Variants in SLC14A1 observed in about 807,000 individuals in gnomAD.
SLC14A1 encodes urea transporter 1.
SLC14A1 carries 36 observed loss-of-function variants against 39.6 expected under a neutral mutation model. That is an observed-to-expected ratio of 0.91 (90% CI 0.70 to 1.20). The LOEUF is 1.20. Among genes scored for constraint, SLC14A1 ranks in the 50% most tolerant of loss-of-function variants. SLC14A1 has a pLI of 0.00. For missense variants in SLC14A1, 469 were observed against 478.7 expected (o/e 0.98, Z 0.19); for synonymous variants, 164 against 173.6 (o/e 0.94, Z 0.43).
chr18:45,749,856 A>G lies in SLC14A1; in HGVS notation c.1075A>G (p.Ile359Val). 2 of 1,614,192 alleles carry G rather than the reference A, an allele frequency of 1.2e-6. No homozygotes were observed. The highest frequency in any genetic ancestry group is 1.7e-6 in the Non-Finnish European group (2 of 1,180,036). The change falls in exon 10 of 10, where the codon ATC becomes GTC. Residue 359 changes from isoleucine (I) to valine (V), a missense_variant. By Grantham distance (29) the Ile-to-Val change is conservative. Transcript: ENST00000321925. ...FLIMTTKNSNIYKMPLSKVTY... is the reference protein window; with the variant it reads ...FLIMTTKNSNVYKMPLSKVTY... Reference sequence around the variant, plus strand: ...CATCATGACCACAAAAAATTCCAACATCTACAAGATGCCCCTCAGTAAAGT... The same window carrying G: ...CATCATGACCACAAAAAATTCCAACGTCTACAAGATGCCCCTCAGTAAAGT...
chr18:45,745,422 C>T (rs943707406), intron 8 of SLC14A1, among the ~76,000 whole-genome samples: 3 of 152,060 alleles, frequency 2.0e-5, no homozygotes, highest in African/African-American at 4.8e-5. Flanking sequence ...TTTCCTGGTG[C>T]ATCTAAGGAA....
At chr18:45,724,593 A>G (rs750953366) in intron 1 of SLC14A1, among the ~76,000 whole-genome samples, 44 of 152,226 alleles carry the variant, frequency 2.9e-4, no homozygotes, top group Non-Finnish European at 5.4e-4. Context: ...AATCAACACT[A>G]TTAGGAGTTT....
intron 8 of SLC14A1, among the ~76,000 whole-genome samples, chr18:45,742,772 G>A (rs2047423050): frequency 6.7e-6 from 1 of 148,732 alleles, no homozygotes; most frequent in African/African-American, 2.6e-5. Flanking sequence ...CTGCCTCCCG[G>A]GTCCCGGTTC....
chr18:45,734,353 G>C lies in SLC14A1; in HGVS notation c.421G>C (p.Asp141His). The change falls in exon 5 of 10, where the codon GAC becomes CAC. Residue 141 changes from aspartate (D) to histidine (H), a missense_variant. Coordinates refer to ENST00000321925, the MANE Select transcript of SLC14A1 (RefSeq NM_015865.7). The part of the protein sequence containing the change: ...VLMAVFSDKG[D>H]YFWWLLLPVC... ...CATGGCTGTCTTTTCGGACAAGGGA[G>C]ACTATTTCTGGTGGCTGTTACTCCC... 1 of 1,613,818 alleles carries C rather than the reference G, an allele frequency of 6.2e-7. No homozygotes were observed. The highest frequency in any genetic ancestry group is 8.5e-7 in the Non-Finnish European group (1 of 1,179,924).
At chr18:45,737,089 C>A (rs2047220127) in intron 6 of SLC14A1, among the ~76,000 whole-genome samples, 1 of 152,220 alleles carries the variant, frequency 6.6e-6, no homozygotes, top group South Asian at 2.1e-4. Context: ...TATGGCATAG[C>A]TCATAGAACA....
intron 2 of SLC14A1, 50 bp from the exon 3 acceptor site, chr18:45,730,250 C>A: frequency 6.4e-7 from 1 of 1,563,808 alleles, no homozygotes. Flanking sequence ...GCTGGCTAAT[C>A]TGGAGGGCTC....
intron 5 of SLC14A1, among the ~76,000 whole-genome samples, chr18:45,734,782 G>A (rs574313390): frequency 6.6e-6 from 1 of 152,232 alleles, no homozygotes; most frequent in Admixed American, 6.5e-5. Context: ...AGGAGGAGGA[G>A]TAGCAGGAGG....
chr18:45,734,144 T>C (rs2047114575), intron 4 of SLC14A1, 130 bp from the exon 5 acceptor site: 1 of 1,210,876 alleles, frequency 8.3e-7, no homozygotes, highest in Non-Finnish European at 1.2e-6. Flanking sequence ...ACGTAGACTT[T>C]GAAATACATT....
rs1437212955 is a variant in SLC14A1 at position 45,736,439 on chromosome 18, C to T, written c.471-17C>T. On this transcript the variant is annotated splice_polypyrimidine_tract_variant and intron_variant, in intron 5 of 9. Transcript: ENST00000321925. ...GCTTTGTCACATGCACATTCTTTTG[C>T]TCTGTTCTTTTTTTAGCCCAATTTT... is the stretch of plus-strand genomic sequence containing the variant. 2 of 1,613,542 alleles carry T rather than the reference C, an allele frequency of 1.2e-6. No homozygotes were observed. Among genetic ancestry groups the T allele is most frequent in the East Asian group, 2.2e-5 (1 of 44,880 alleles).
chr18:45,735,805 G>A (rs2047177316), intron 5 of SLC14A1, among the ~76,000 whole-genome samples: 1 of 152,210 alleles, frequency 6.6e-6, no homozygotes, highest in Non-Finnish European at 1.5e-5. Context: ...TGGTCTTTAA[G>A]TGATGGCTCT....
intron 4 of SLC14A1, among the ~76,000 whole-genome samples, chr18:45,732,497 CAAAG>C (rs748575262): frequency 6.6e-6 from 1 of 152,162 alleles, no homozygotes; most frequent in Non-Finnish European, 1.5e-5. Context: ...TTAAGGGAAA[CAAAG>C]AACTTTTGAA....
chr18:45,727,105 CTT>C, intron 2 of SLC14A1: 1 of 639,270 alleles, frequency 1.6e-6, no homozygotes, highest in Non-Finnish European at 2.7e-6. Flanking sequence ...AGTCCTCCTT[CTT>C]CATTAGCGGT....
chr18:45,730,113 T>C, intron 2 of SLC14A1, 187 bp from the exon 3 acceptor site: 1 of 540,260 alleles, frequency 1.9e-6, no homozygotes. Context: ...CAGACACTGA[T>C]GGCAAAGGTA....
At chr18:45,744,368 T>C (rs544269520) in intron 8 of SLC14A1, among the ~76,000 whole-genome samples, 2 of 152,356 alleles carry the variant, frequency 1.3e-5, no homozygotes, top group South Asian at 4.1e-4. Flanking sequence ...AGACCTTGTA[T>C]GCTGGAGAAT....
At chr18:45,749,194 C>A (rs1320385048) in intron 9 of SLC14A1, among the ~76,000 whole-genome samples, 1 of 151,920 alleles carries the variant, frequency 6.6e-6, no homozygotes, top group East Asian at 1.9e-4. Flanking sequence ...GATTAGGGTA[C>A]CCCTACACTC....
At chr18:45,735,425 A>G (rs1413693173) in intron 5 of SLC14A1, among the ~76,000 whole-genome samples, 2 of 151,848 alleles carry the variant, frequency 1.3e-5, no homozygotes, top group Non-Finnish European at 2.9e-5. Flanking sequence ...CCTGCCCCCC[A>G]GGTCTCCCTT....
At chr18:45,728,710 T>C (rs971423343) in intron 2 of SLC14A1, among the ~76,000 whole-genome samples, 3 of 152,238 alleles carry the variant, frequency 2.0e-5, no homozygotes, top group African/African-American at 7.2e-5. Context: ...CTCAGCTCCA[T>C]ATGGACTTAA....
chr18:45,739,189 T>C lies in SLC14A1; in HGVS notation c.690T>C (p.Val230=), dbSNP rs1222222945. Residue 230 remains valine (V), a synonymous_variant, in exon 7 of 10, where the codon GTT becomes GTC. Transcript: ENST00000321925. ...TGTTGAAATCTATACCAGTGGGAGT[T>C]GGTCAGATCTATGGCTGTGATAATC... is the stretch of plus-strand genomic sequence containing the variant. ...LELLKSIPVG[V]GQIYGCDNPW... is the part of the protein sequence containing the mutation. The C allele has an allele frequency of 6.2e-7, 1 of 1,614,150 alleles. No homozygotes were observed. Among genetic ancestry groups the C allele is most frequent in the East Asian group, 2.2e-5 (1 of 44,884 alleles).
chr18:45,730,672 A>G (rs1380333408), intron 3 of SLC14A1, among the ~76,000 whole-genome samples: 1 of 152,104 alleles, frequency 6.6e-6, no homozygotes, highest in Non-Finnish European at 1.5e-5. Flanking sequence ...GGCCCAGCTC[A>G]TATTAGAAGG....
Sources: allele counts gnomAD v4.1 joint callset (sites outside exome capture counted in the v4.1 genomes callset), GRCh38; gene constraint gnomAD v4.1.1; transcripts MANE v1.5; gene names NCBI Gene and HGNC (gene_info 2026-07-23, HGNC 2026-07-21).